Variants in ACTR3C observed in about 807,000 individuals in gnomAD.
ACTR3C encodes the protein actin related protein 3C, also known as actin-related protein 3C.
ACTR3C carries 18 observed loss-of-function variants against 26.3 expected under a neutral mutation model. The ratio of observed to expected loss-of-function variants is 0.68; its 90% CI spans 0.47 to 1.01. The LOEUF is 1.01. Ranked by LOEUF, ACTR3C falls within the 50% of genes least tolerant of loss-of-function variation. ACTR3C has a pLI of 0.00. For missense variants in ACTR3C, 184 were observed against 250.7 expected (o/e 0.73, Z 1.80); for synonymous variants, 55 against 94.5 (o/e 0.58, Z 2.42).
the ACTR3C span, among the ~76,000 whole-genome samples, chr7:149,985,800 T>A: frequency 6.6e-6 from 1 of 152,194 alleles, no homozygotes; most frequent in African/African-American, 2.4e-5. Context: ...AAGGATGCAT[T>A]TTTAGGCTTG....
At chr7:149,923,391 GAAT>G in the ACTR3C span, among the ~76,000 whole-genome samples, 1 of 151,988 alleles carries the variant, frequency 6.6e-6, no homozygotes, top group African/African-American at 2.4e-5. Context: ...AATTCAGAAA[GAAT>G]AATAAAAGGA....
the ACTR3C span, among the ~76,000 whole-genome samples, chr7:150,024,450 C>A: frequency 6.8e-6 from 1 of 148,006 alleles, no homozygotes; most frequent in South Asian, 2.2e-4. Flanking sequence ...TGGGAAGAGC[C>A]ATCACTTACC....
chr7:150,228,922 TTGCTATACTAC>T, the ACTR3C span, among the ~76,000 whole-genome samples: 2 of 150,996 alleles, frequency 1.3e-5, no homozygotes, highest in African/African-American at 4.9e-5. Context: ...TCCTGTAACT[TTGCTATACTAC>T]TGTATATATA....
chr7:150,120,037 G>T, the ACTR3C span, among the ~76,000 whole-genome samples: 1 of 152,160 alleles, frequency 6.6e-6, no homozygotes, highest in Non-Finnish European at 1.5e-5. Flanking sequence ...TGAAACCAAT[G>T]AGAACAAAGA....
downstream of ACTR3C, chr7:150,246,996 A>C (rs1832498199): frequency 6.6e-6 from 1 of 152,156 alleles, no homozygotes; most frequent in African/African-American, 2.4e-5. Context: ...GGGTTTCTCC[A>C]TGTTGGTCAG....
chr7:150,042,491 G>A, the ACTR3C span, among the ~76,000 whole-genome samples: 10 of 141,584 alleles, frequency 7.1e-5, no homozygotes, highest in African/African-American at 1.7e-4. Flanking sequence ...CGCAGTCCCC[G>A]CCTCGCGGGG....
chr7:150,042,482 G>T, the ACTR3C span, among the ~76,000 whole-genome samples: 4 of 122,056 alleles, frequency 3.3e-5, no homozygotes, highest in South Asian at 2.7e-4. Flanking sequence ...GGGGAGGTTC[G>T]CAGTCCCCGC....
At chr7:149,908,687 G>A in the ACTR3C span, among the ~76,000 whole-genome samples, 3 of 152,122 alleles carry the variant, frequency 2.0e-5, no homozygotes, top group African/African-American at 7.2e-5. Context: ...TACATGTAGA[G>A]AACAGACTTT....
the ACTR3C span, among the ~76,000 whole-genome samples, chr7:149,930,239 A>G: frequency 1.3e-5 from 2 of 152,192 alleles, no homozygotes; most frequent in African/African-American, 2.4e-5. Flanking sequence ...TACTGTATGT[A>G]TGTTAAATTT....
At chr7:149,988,262 G>C in the ACTR3C span, among the ~76,000 whole-genome samples, 1 of 152,148 alleles carries the variant, frequency 6.6e-6, no homozygotes, top group Non-Finnish European at 1.5e-5. Context: ...CTGAAAGTTA[G>C]ACCTAAGAGC....
chr7:150,003,628 G>A, the ACTR3C span, among the ~76,000 whole-genome samples: 4 of 152,182 alleles, frequency 2.6e-5, no homozygotes, highest in Non-Finnish European at 5.9e-5. Flanking sequence ...TGTGTGTGGT[G>A]TGATGTGTAA....
chr7:150,212,414 T>A, the ACTR3C span, among the ~76,000 whole-genome samples: 1 of 146,418 alleles, frequency 6.8e-6, no homozygotes, highest in Non-Finnish European at 1.5e-5. Flanking sequence ...ACAATTAAAA[T>A]TTTAAAAATC....
the ACTR3C span, among the ~76,000 whole-genome samples, chr7:150,028,683 G>A: frequency 1.6e-4 from 24 of 152,272 alleles, no homozygotes; most frequent in Middle Eastern, 3.4e-3. Flanking sequence ...GCAGCAGCCC[G>A]GAAGAAACCC....
chr7:150,033,998 T>G, the ACTR3C span, among the ~76,000 whole-genome samples: 1 of 136,656 alleles, frequency 7.3e-6, no homozygotes. Flanking sequence ...TCGGGGGGAT[T>G]GCCTGCCCCC....
the ACTR3C span, among the ~76,000 whole-genome samples, chr7:150,078,846 T>TA: frequency 6.6e-6 from 1 of 152,292 alleles, no homozygotes; most frequent in South Asian, 2.1e-4. Flanking sequence ...CAGGGAGGCT[T>TA]AGAGTCCAGG....
chr7:150,083,204 C>G, the ACTR3C span, among the ~76,000 whole-genome samples: 1,073 of 151,516 alleles, frequency 7.1e-3, 14 homozygotes, highest in African/African-American at 0.025. Context: ...CCTCAGCCTC[C>G]CAAAGTGCTG....
the ACTR3C span, among the ~76,000 whole-genome samples, chr7:149,913,885 C>CTTTTTT: frequency 5.4e-5 from 4 of 74,658 alleles, 2 homozygotes; most frequent in South Asian, 8.9e-4. Context: ...CTCATATGTC[C>CTTTTTT]CTTTTTTTTT....
the ACTR3C span, among the ~76,000 whole-genome samples, chr7:150,219,348 T>C: frequency 4.1e-5 from 6 of 147,634 alleles, no homozygotes; most frequent in Non-Finnish European, 8.8e-5. Flanking sequence ...TCAGTCTGCA[T>C]ATCAAGGACT....
the ACTR3C span, among the ~76,000 whole-genome samples, chr7:150,220,903 G>T: frequency 6.6e-6 from 1 of 152,296 alleles, no homozygotes; most frequent in Non-Finnish European, 1.5e-5. Flanking sequence ...CCCAGCAGGG[G>T]TTAAGGAGGG....
Sources: gnomAD v4.1 joint callset for allele counts (sites outside exome capture counted in the v4.1 genomes callset) on GRCh38, gnomAD v4.1.1 for gene constraint, MANE v1.5 for transcripts, NCBI Gene and HGNC (gene_info 2026-07-23, HGNC 2026-07-21) for gene names.